MFSD8: variants seen among roughly 807,000 people sequenced by gnomAD.
MFSD8 encodes the protein major facilitator superfamily domain-containing protein 8.
MFSD8 carries 55 observed loss-of-function variants against 66.4 expected under a neutral mutation model. The observed-to-expected ratio is 0.83, with a 90% CI of 0.67 to 1.04. The LOEUF (loss-of-function observed/expected upper bound fraction) is 1.04, where lower values mean the gene tolerates loss of function less well. Among genes scored for constraint, MFSD8 ranks in the 50% least tolerant of loss-of-function variants. The probability of loss-of-function intolerance (pLI) is 0.00; values close to 1 mark genes in which losing one functional copy is unlikely to be tolerated. For synonymous variants in MFSD8, 202 were observed against 212.8 expected (o/e 0.95, Z 0.44); for missense variants, 550 against 627.6 (o/e 0.88, Z 1.32).
intron 2 of MFSD8, among the ~76,000 whole-genome samples, chr4:127,953,547 T>TG (rs1232691877): frequency 1.4e-4 from 18 of 131,356 alleles, no homozygotes; most frequent in African/African-American, 4.7e-4. Flanking sequence ...CATTCTGTTT[T>TG]TTTTTTTTTT....
intron 7 of MFSD8, among the ~76,000 whole-genome samples, chr4:127,937,819 T>C (rs1739321627): frequency 6.6e-6 from 1 of 152,238 alleles, no homozygotes; most frequent in Non-Finnish European, 1.5e-5. Context: ...TTCCACTATT[T>C]CTTTTGTGAA....
At chr4:127,920,903 T>C in intron 11 of MFSD8, 67 bp from the exon 12 acceptor site, 1 of 1,461,628 alleles carries the variant, frequency 6.8e-7, no homozygotes, top group South Asian at 1.2e-5. Context: ...AGCAAAGAAA[T>C]GGTATTACCA....
chr4:127,929,421 TAAAAAAAA>T (rs35191908), intron 9 of MFSD8, among the ~76,000 whole-genome samples: 1 of 123,618 alleles, frequency 8.1e-6, no homozygotes, highest in Non-Finnish European at 1.7e-5. Context: ...TACAAAAAGT[TAAAAAAAA>T]AAAAAAAAAT....
intron 9 of MFSD8, among the ~76,000 whole-genome samples, chr4:127,923,646 C>G (rs1255226431): frequency 6.7e-6 from 1 of 150,320 alleles, no homozygotes; most frequent in East Asian, 2.0e-4. Flanking sequence ...GTGGCGTGAA[C>G]TTGGCTCACT....
intron 3 of MFSD8, chr4:127,945,366 G>GGGGT (rs1740865148): frequency 6.6e-6 from 1 of 152,086 alleles, no homozygotes; most frequent in Admixed American, 6.6e-5. Flanking sequence ...TGCCCAGGCT[G>GGGGT]GGGTGCAATG....
chr4:127,957,928 A>G (rs1460881581), intron 1 of MFSD8, among the ~76,000 whole-genome samples: 1 of 152,176 alleles, frequency 6.6e-6, no homozygotes, highest in East Asian at 1.9e-4. Flanking sequence ...CGTCAAGATA[A>G]ATCAAATAAA....
chr4:127,922,207 A>T (rs1213937012), intron 9 of MFSD8, among the ~76,000 whole-genome samples: 3 of 152,216 alleles, frequency 2.0e-5, no homozygotes, highest in African/African-American at 7.2e-5. Context: ...CACAGAAGTT[A>T]TCAGTGACTA....
At chr4:127,937,982 T>G (rs1031812244) in intron 7 of MFSD8, among the ~76,000 whole-genome samples, 4 of 152,190 alleles carry the variant, frequency 2.6e-5, no homozygotes, top group African/African-American at 9.6e-5. Flanking sequence ...AGGTTTTTTT[T>G]TGGTAAAATA....
intron 8 of MFSD8, among the ~76,000 whole-genome samples, chr4:127,931,313 G>A (rs367568422): frequency 6.6e-6 from 1 of 151,510 alleles, no homozygotes; most frequent in African/African-American, 2.4e-5. Flanking sequence ...CCCTACATTC[G>A]ATCTCTATTA....
intron 1 of MFSD8, among the ~76,000 whole-genome samples, chr4:127,962,901 T>A (rs1345520863): frequency 7.9e-5 from 12 of 152,152 alleles, no homozygotes; most frequent in Admixed American, 7.9e-4. Flanking sequence ...TGAGTTAGAG[T>A]GCTCACAAAA....
chr4:127,923,984 G>A (rs929625172), intron 9 of MFSD8, among the ~76,000 whole-genome samples: 4 of 152,238 alleles, frequency 2.6e-5, no homozygotes, highest in African/African-American at 9.6e-5. Context: ...GTATCAGGAT[G>A]ATTCTGGCCT....
At chr4:127,928,144 C>T (rs1737524837) in intron 9 of MFSD8, among the ~76,000 whole-genome samples, 1 of 152,032 alleles carries the variant, frequency 6.6e-6, no homozygotes, top group African/African-American at 2.4e-5. Context: ...CTCCACCTCC[C>T]AGGTTGAAGC....
intron 9 of MFSD8, among the ~76,000 whole-genome samples, chr4:127,924,517 G>T (rs1234906283): frequency 6.6e-6 from 1 of 152,048 alleles, no homozygotes; most frequent in Non-Finnish European, 1.5e-5. Context: ...AAAATATCTA[G>T]GAATACAACT....
At chr4:127,946,749 T>C (rs1741093189) in intron 3 of MFSD8, among the ~76,000 whole-genome samples, 1 of 151,952 alleles carries the variant, frequency 6.6e-6, no homozygotes. Flanking sequence ...ACCCTGTCTC[T>C]ACTAAAAATA....
chr4:127,946,583 A>C (rs1204007480), intron 3 of MFSD8, among the ~76,000 whole-genome samples: 1 of 152,142 alleles, frequency 6.6e-6, no homozygotes, highest in Non-Finnish European at 1.5e-5. Flanking sequence ...TATTCCTTTA[A>C]AAATATATTT....
At chr4:127,938,154 T>C (rs1739378423) in intron 7 of MFSD8, among the ~76,000 whole-genome samples, 2 of 152,180 alleles carry the variant, frequency 1.3e-5, no homozygotes, top group Admixed American at 6.5e-5. Context: ...GACATATTTA[T>C]TTGGTAGTAA....
At chr4:127,941,131 C>T (rs1740119148) in intron 5 of MFSD8, among the ~76,000 whole-genome samples, 2 of 152,108 alleles carry the variant, frequency 1.3e-5, no homozygotes, top group African/African-American at 4.8e-5. Context: ...ATGTACTTTA[C>T]AATATAGTAT....
chr4:127,960,832 T>G (rs1456660954), intron 1 of MFSD8, among the ~76,000 whole-genome samples: 2 of 152,098 alleles, frequency 1.3e-5, no homozygotes, highest in Middle Eastern at 3.2e-3. Flanking sequence ...TGTCATCCCC[T>G]CCCCCACCAA....
chr4:127,929,146 C>T (rs918557844), intron 9 of MFSD8, among the ~76,000 whole-genome samples: 3 of 150,818 alleles, frequency 2.0e-5, no homozygotes, highest in African/African-American at 7.3e-5. Context: ...ATGGTGAAAT[C>T]CGTCTGTACT....
Sources: allele counts gnomAD v4.1 joint callset (sites outside exome capture counted in the v4.1 genomes callset), GRCh38; gene constraint gnomAD v4.1.1; transcripts MANE v1.5; gene names NCBI Gene and HGNC (gene_info 2026-07-23, HGNC 2026-07-21).